Variants in DHX57 observed in about 807,000 individuals in gnomAD.
DHX57 encodes the protein putative ATP-dependent RNA helicase DHX57.
Under a neutral mutation model 156.2 loss-of-function variants are expected in DHX57, and 105 were observed. The ratio of observed to expected loss-of-function variants is 0.67; its 90% CI spans 0.57 to 0.79. DHX57 has a LOEUF of 0.79. DHX57 is among the 30% of genes least tolerant of loss of function. The pLI, the probability that DHX57 is intolerant of heterozygous loss-of-function variation, is 0.00. For synonymous variants in DHX57, 704 were observed against 595.6 expected (o/e 1.18, Z -2.65); for missense variants, 1,847 against 1,661.9 (o/e 1.11, Z -1.94).
chr2:38,818,076 T>C (rs1456398362), intron 19 of DHX57, among the ~76,000 whole-genome samples: 1 of 152,136 alleles, frequency 6.6e-6, no homozygotes, highest in Non-Finnish European at 1.5e-5. Context: ...TCAGTATTAG[T>C]TCTTTGGTTT....
chr2:38,826,459 G>T, intron 15 of DHX57, 57 bp downstream of exon 15: 1 of 1,571,024 alleles, frequency 6.4e-7, no homozygotes, highest in East Asian at 2.2e-5. Context: ...TAACAACGGT[G>T]TCTCCCTAAA....
intron 7 of DHX57, 38 bp downstream of exon 7, chr2:38,856,302 A>G (rs1672890010): frequency 3.1e-6 from 5 of 1,588,502 alleles, no homozygotes; most frequent in Non-Finnish European, 4.3e-6. Flanking sequence ...TATAATATTT[A>G]TAGATGAAAG....
At chr2:38,814,728 G>T (rs991340894) in intron 20 of DHX57, among the ~76,000 whole-genome samples, 2 of 149,446 alleles carry the variant, frequency 1.3e-5, no homozygotes, top group African/African-American at 2.5e-5. Flanking sequence ...AGAAAACCCT[G>T]TTTTTTTTTT....
intron 21 of DHX57, among the ~76,000 whole-genome samples, chr2:38,810,150 C>G (rs1487625185): frequency 6.6e-6 from 1 of 151,488 alleles, no homozygotes; most frequent in African/African-American, 2.4e-5. Flanking sequence ...CCACCTCGGT[C>G]TCCCAAAGTG....
At chr2:38,859,418 G>T (rs542214945) in intron 5 of DHX57, among the ~76,000 whole-genome samples, 15 of 152,200 alleles carry the variant, frequency 9.9e-5, no homozygotes, top group African/African-American at 2.6e-4. Context: ...ATGGGTACAG[G>T]GTTTCTTTTG....
intron 1 of DHX57, among the ~76,000 whole-genome samples, chr2:38,872,751 G>C (rs1007277441): frequency 6.6e-6 from 1 of 151,980 alleles, no homozygotes; most frequent in African/African-American, 2.4e-5. Flanking sequence ...CAGAAATGAA[G>C]GGAGAATTAG....
intron 17 of DHX57, among the ~76,000 whole-genome samples, chr2:38,821,394 T>C (rs1353707418): frequency 6.6e-6 from 1 of 151,740 alleles, no homozygotes; most frequent in Non-Finnish European, 1.5e-5. Flanking sequence ...GGAAAAACAA[T>C]TGAAAAAAAT....
intron 16 of DHX57, 80 bp from the exon 17 acceptor site, chr2:38,823,349 A>C (rs917808006): frequency 1.3e-5 from 18 of 1,349,244 alleles, no homozygotes; most frequent in Non-Finnish European, 1.7e-5. Context: ...TTTGTGAGTG[A>C]TAATAATTTA....
chr2:38,812,086 T>C (rs61139307), intron 21 of DHX57, among the ~76,000 whole-genome samples: 2,907 of 152,218 alleles, frequency 0.019, 100 homozygotes, highest in African/African-American at 0.067. Flanking sequence ...ATAATCTTTT[T>C]ATTTTGAAAT....
chr2:38,833,394 C>T lies in DHX57; in HGVS notation c.2542+4437G>A, dbSNP rs1323055176. The stretch of plus-strand genomic sequence containing the variant: ...CTGACCTCAGGTGATCCGCCTGCCT[C>T]GGCCTCCCAAAGTGCTGGGACTACA... On this transcript the variant is annotated intron_variant, in intron 13 of 23. Transcript: ENST00000457308. 2.0e-5 allele frequency among the ~76,000 whole-genome samples: 3 copies of T among 152,080 alleles called. No homozygotes were observed. The East Asian group carries it at 5.8e-4, about 29-fold the overall frequency.
intron 6 of DHX57, among the ~76,000 whole-genome samples, chr2:38,857,954 C>T (rs1672986448): frequency 6.6e-6 from 1 of 152,188 alleles, no homozygotes; most frequent in African/African-American, 2.4e-5. Context: ...GTTTTCCAGG[C>T]TGGCATTGTC....
At chr2:38,818,835 C>T (rs757628916) in intron 19 of DHX57, 42 bp downstream of exon 19, 25 of 1,605,892 alleles carry the variant, frequency 1.6e-5, no homozygotes. Context: ...TGGTGAGCTA[C>T]TCTAATAAAA....
rs1176802606 is a variant in DHX57 at position 38,828,443 on chromosome 2, A to G, written c.2543-7T>C. 1 of 1,596,178 alleles carries G rather than the reference A, an allele frequency of 6.3e-7. No homozygotes were observed. Among genetic ancestry groups the G allele is most frequent in the Non-Finnish European group, 8.5e-7 (1 of 1,171,478 alleles). On this transcript the variant is annotated splice_polypyrimidine_tract_variant and splice_region_variant and intron_variant, in intron 13 of 23. Coordinates refer to ENST00000457308, the MANE Select transcript of DHX57 (RefSeq NM_198963.3). ...AAAAATACAAGTATAGCACCTGGGT[A>G]TATAAAAAGAATCAATATGTGGGTA...
At chr2:38,866,690 A>G (rs1316204969) in intron 2 of DHX57, among the ~76,000 whole-genome samples, 1 of 152,212 alleles carries the variant, frequency 6.6e-6, no homozygotes, top group Non-Finnish European at 1.5e-5. Context: ...TACTTACCAA[A>G]TGAATGAACA....
Position 38,855,246 on chromosome 2 carries a change from C to T in DHX57, c.1716G>A (p.Gly572=), listed in dbSNP as rs1672836830. ...VVVISGMTGC[G]KTTQIPQFIL... ...TAAACTGCGGAATTTGTGTGGTTTT[C>T]CCACATCTGTACATTAAAACAAATA... Residue 572 remains glycine (G), a synonymous_variant, in exon 8 of 24, where the codon GGG becomes GGA. Transcript: ENST00000457308. The T allele has an allele frequency of 1.2e-6, 2 of 1,613,976 alleles. No homozygotes were observed. The highest frequency in any genetic ancestry group is 1.3e-5 in the African/African-American group (1 of 74,900).
intron 14 of DHX57, among the ~76,000 whole-genome samples, chr2:38,827,275 G>C (rs2124821204): frequency 6.6e-6 from 1 of 151,270 alleles, no homozygotes; most frequent in South Asian, 2.1e-4. Context: ...TAATGAAGAG[G>C]AATAAATAAT....
intron 2 of DHX57, among the ~76,000 whole-genome samples, chr2:38,864,466 A>G (rs1664945524): frequency 6.6e-6 from 1 of 152,308 alleles, no homozygotes; most frequent in South Asian, 2.1e-4. Context: ...TCAGTTAAAC[A>G]TGAGGGGGAG....
At chr2:38,835,044 A>G (rs1340485338) in intron 13 of DHX57, among the ~76,000 whole-genome samples, 2 of 152,186 alleles carry the variant, frequency 1.3e-5, no homozygotes, top group South Asian at 4.1e-4. Flanking sequence ...ACAATTTTAG[A>G]AAGAGGTTTG....
intron 8 of DHX57, 131 bp from the exon 9 acceptor site, chr2:38,854,309 C>T: frequency 1.2e-6 from 1 of 822,902 alleles, no homozygotes; most frequent in Non-Finnish European, 1.8e-6. Context: ...AATAGGAAAC[C>T]ATACTAAACA....
Sources: allele counts gnomAD v4.1 joint callset (sites outside exome capture counted in the v4.1 genomes callset), GRCh38; gene constraint gnomAD v4.1.1; transcripts MANE v1.5; gene names NCBI Gene and HGNC (gene_info 2026-07-23, HGNC 2026-07-21).